The following CDYL variants were observed in gnomAD, a reference collection of about 807,000 sequenced individuals.
The protein encoded by CDYL is chromodomain Y like.
CDYL carries 8 observed loss-of-function variants against 47.3 expected under a neutral mutation model. The observed-to-expected ratio is 0.17, with a 90% CI of 0.10 to 0.31. CDYL has a LOEUF of 0.31. Ranked by LOEUF, CDYL falls within the 10% of genes least tolerant of loss-of-function variation. The pLI is 1.00. For synonymous variants in CDYL, 266 were observed against 265.0 expected (o/e 1.00, Z -0.04); for missense variants, 471 against 701.4 (o/e 0.67, Z 3.71).
At chr6:4,724,321 G>A (rs1332195448) in intron 2 of CDYL, 1 of 152,064 alleles carries the variant, frequency 6.6e-6, no homozygotes, top group Admixed American at 6.5e-5. Context: ...AACGTGATGG[G>A]ATTATAGACG....
In CDYL at chr6:4,759,753, C is replaced by T. The variant is rs182304436; in HGVS notation, c.186+24909C>T. Reference sequence around the variant, plus strand: ...AATTAGCCGGGCGTGGGGGTGTGTGCCTGTAATCCCAGCTACTCAGGAGGC... The same window carrying T: ...AATTAGCCGGGCGTGGGGGTGTGTGTCTGTAATCCCAGCTACTCAGGAGGC... On this transcript the variant is annotated intron_variant, in intron 3 of 8. Transcript: ENST00000328908. Among the ~76,000 whole-genome samples, 1,053 of 150,394 alleles carry T rather than the reference C, an allele frequency of 7.0e-3. 10 individuals carry two copies. The highest frequency in any genetic ancestry group is 0.028 in the South Asian group (133 of 4,714).
Position 4,737,028 on chromosome 6 carries a change from T to G in CDYL, c.186+2184T>G, listed in dbSNP as rs536877146. ...ATTCTGGAATTGATACCCGAGAAACTGCTAACAGTGATTACCTCTGGGGAG... is the reference window on the plus strand; with the variant it reads ...ATTCTGGAATTGATACCCGAGAAACGGCTAACAGTGATTACCTCTGGGGAG... On this transcript the variant is annotated intron_variant, in intron 3 of 8. Transcript: ENST00000328908. 6.6e-5 allele frequency among the ~76,000 whole-genome samples: 10 copies of G among 152,280 alleles called. No individual in the cohort carries two copies. The South Asian group carries it at 1.7e-3, about 25-fold the overall frequency.
chr6:4,914,244 CTAG>C (rs1428782255), intron 2 of CDYL, among the ~76,000 whole-genome samples: 4 of 146,554 alleles, frequency 2.7e-5, no homozygotes, highest in Non-Finnish European at 6.0e-5. Flanking sequence ...TCCTTTGGCA[CTAG>C]TAGATCAACA....
chr6:4,926,361 C>T (rs1215842748), intron 2 of CDYL, among the ~76,000 whole-genome samples: 1 of 152,184 alleles, frequency 6.6e-6, no homozygotes, highest in Non-Finnish European at 1.5e-5. Flanking sequence ...AAACGGAGAG[C>T]TATTAATTCT....
At chr6:4,823,380 T>G (rs1302510209) in intron 1 of CDYL, among the ~76,000 whole-genome samples, 1 of 152,130 alleles carries the variant, frequency 6.6e-6, no homozygotes, top group Non-Finnish European at 1.5e-5. Context: ...CTGGTAAGAG[T>G]GCATGGATAC....
chr6:4,819,339 T>C (rs1759769256), intron 1 of CDYL, among the ~76,000 whole-genome samples: 1 of 152,188 alleles, frequency 6.6e-6, no homozygotes, highest in Non-Finnish European at 1.5e-5. Context: ...GAATTACGTG[T>C]GTCAATCATT....
intron 3 of CDYL, among the ~76,000 whole-genome samples, chr6:4,768,608 AG>A (rs1758291010): frequency 1.3e-5 from 2 of 152,184 alleles, no homozygotes. Context: ...TAAGTGGGGG[AG>A]AAGAGAGAAA....
intron 1 of CDYL, among the ~76,000 whole-genome samples, chr6:4,798,108 G>A (rs1266906127): frequency 2.0e-5 from 3 of 151,976 alleles, no homozygotes; most frequent in Non-Finnish European, 4.4e-5. Flanking sequence ...AGGTAGCTAG[G>A]ACTGTAAGTG....
chr6:4,738,383 A>C (rs535231009), intron 3 of CDYL, among the ~76,000 whole-genome samples: 2 of 58,092 alleles, frequency 3.4e-5, no homozygotes, highest in East Asian at 1.0e-3. Flanking sequence ...TGTCTCAGAA[A>C]AGTAGTAATA....
intron 3 of CDYL, among the ~76,000 whole-genome samples, chr6:4,769,313 TAAAATC>T (rs574151944): frequency 7.2e-5 from 11 of 152,200 alleles, no homozygotes; most frequent in Non-Finnish European, 1.0e-4. Context: ...CTAAATCTGT[TAAAATC>T]TAAATCTGTA....
chr6:4,952,129 C>T, intron 5 of CDYL, 137 bp from the exon 6 acceptor site: 1 of 915,828 alleles, frequency 1.1e-6, no homozygotes, highest in Non-Finnish European at 1.6e-6. Flanking sequence ...TTCCCAGCGG[C>T]CCCTAGAGGA....
At chr6:4,712,698 A>T (rs956572790) in intron 1 of CDYL, among the ~76,000 whole-genome samples, 1 of 152,214 alleles carries the variant, frequency 6.6e-6, no homozygotes, top group Non-Finnish European at 1.5e-5. Context: ...GGACTGTTAG[A>T]ACGAGATAAT....
chr6:4,753,829 T>G (rs982930269), intron 3 of CDYL, among the ~76,000 whole-genome samples: 1 of 152,200 alleles, frequency 6.6e-6, no homozygotes, highest in African/African-American at 2.4e-5. Flanking sequence ...GATTAAAGTA[T>G]CAGCCTCTTC....
At chr6:4,945,078 G>A (rs148641482) in intron 5 of CDYL, among the ~76,000 whole-genome samples, 44 of 152,248 alleles carry the variant, frequency 2.9e-4, no homozygotes, top group African/African-American at 9.9e-4. Flanking sequence ...GACTGGAGGA[G>A]ACCAAGGGGA....
At chr6:4,840,819 A>G (rs538439322) in intron 1 of CDYL, among the ~76,000 whole-genome samples, 1 of 152,148 alleles carries the variant, frequency 6.6e-6, no homozygotes, top group Admixed American at 6.5e-5. Context: ...GGATTTTTGC[A>G]TCTATATTCA....
chr6:4,759,878 TC>T (rs1758143556), intron 3 of CDYL, among the ~76,000 whole-genome samples: 1 of 3,512 alleles, frequency 2.8e-4, no homozygotes, highest in Non-Finnish European at 8.1e-4. Context: ...AAACTCCATC[TC>T]AAAAAAAAAA....
chr6:4,707,638 G>A (rs1411592083), intron 1 of CDYL, among the ~76,000 whole-genome samples: 5 of 152,132 alleles, frequency 3.3e-5, no homozygotes, highest in African/African-American at 4.8e-5. Context: ...GGGCATTCAA[G>A]ACCTTAAAAA....
exon 1 of CDYL, chr6:4,706,199 G>A (rs1416911923): frequency 2.0e-5 from 3 of 152,156 alleles, no homozygotes; most frequent in African/African-American, 7.2e-5. Flanking sequence ...TTCCCGGAAG[G>A]CAATGGGTTT....
intron 2 of CDYL, among the ~76,000 whole-genome samples, chr6:4,919,592 A>C (rs1461949671): frequency 6.6e-6 from 1 of 152,230 alleles, no homozygotes; most frequent in Admixed American, 6.5e-5. Flanking sequence ...ATTCAAAAAA[A>C]TTCTTCGAGT....
Sources: gnomAD v4.1 joint callset for allele counts (sites outside exome capture counted in the v4.1 genomes callset) on GRCh38, gnomAD v4.1.1 for gene constraint, MANE v1.5 for transcripts, NCBI Gene and HGNC (gene_info 2026-07-23, HGNC 2026-07-21) for gene names.